The following CCDC73 variants were observed in gnomAD, a reference collection of about 807,000 sequenced individuals.
The protein encoded by CCDC73 is coiled-coil domain-containing protein 73.
CCDC73 carries 95 observed loss-of-function variants against 116.5 expected under a neutral mutation model. The observed-to-expected ratio is 0.82, with a 90% CI of 0.69 to 0.97. CCDC73 has a LOEUF of 0.97. CCDC73 is among the 50% of genes least tolerant of loss of function. The pLI is 0.00. For missense variants in CCDC73, 1,066 were observed against 1,206.8 expected (o/e 0.88, Z 1.73); for synonymous variants, 398 against 401.3 (o/e 0.99, Z 0.10).
intron 2 of CCDC73, among the ~76,000 whole-genome samples, chr11:32,726,422 G>A (rs1727765895): frequency 6.6e-6 from 1 of 152,108 alleles, no homozygotes; most frequent in Admixed American, 6.5e-5. Flanking sequence ...GAACTCAATA[G>A]ATTGAGTTTA....
chr11:32,798,577 A>C (rs941102512), upstream of CCDC73, among the ~76,000 whole-genome samples: 1 of 152,242 alleles, frequency 6.6e-6, no homozygotes, highest in African/African-American at 2.4e-5. Flanking sequence ...AAGTGCTGGG[A>C]TTACAGGCGT....
rs116598380 is a variant in CCDC73, at chr11:32,716,622, C to T, written c.207+1454G>A. ...CTGCACCCAGGCTGGAGTGCAATGG[C>T]GCAAACATAGCTCACTACAGCCTCA... On this transcript the variant is annotated intron_variant, in intron 3 of 17. Transcript: ENST00000335185. 6.1e-3 allele frequency among the ~76,000 whole-genome samples: 924 copies of T among 152,254 alleles called. 10 individuals carry two copies. The highest frequency in any genetic ancestry group is 0.021 in the African/African-American group (886 of 41,558).
intron 2 of CCDC73, among the ~76,000 whole-genome samples, chr11:32,736,163 A>G (rs1590621465): frequency 6.6e-6 from 1 of 152,340 alleles, no homozygotes; most frequent in Admixed American, 6.5e-5. Flanking sequence ...GACAAATGGG[A>G]TCTAATTAAA....
intron 14 of CCDC73, among the ~76,000 whole-genome samples, chr11:32,629,360 A>T (rs1855606378): frequency 6.6e-6 from 1 of 152,156 alleles, no homozygotes. Flanking sequence ...TCATAATCAA[A>T]CTGCTTGAAA....
intron 9 of CCDC73, among the ~76,000 whole-genome samples, chr11:32,660,690 G>A (rs1412886772): frequency 1.3e-5 from 2 of 151,796 alleles, no homozygotes; most frequent in Non-Finnish European, 2.9e-5. Flanking sequence ...CAGGCATAGT[G>A]GCATGCCTCT....
intron 1 of CCDC73, among the ~76,000 whole-genome samples, chr11:32,784,320 A>G (rs1462868362): frequency 7.5e-6 from 1 of 132,952 alleles, no homozygotes; most frequent in East Asian, 2.6e-4. Flanking sequence ...CAAGAGTGAA[A>G]GTCCGTCTCA....
At chr11:32,625,779 G>A (rs998365472) in intron 14 of CCDC73, among the ~76,000 whole-genome samples, 70 of 152,068 alleles carry the variant, frequency 4.6e-4, no homozygotes, top group African/African-American at 1.5e-3. Context: ...AAATTCAACA[G>A]CCCTTCATGC....
chr11:32,735,886 C>A (rs1850125286), intron 2 of CCDC73, among the ~76,000 whole-genome samples: 1 of 152,030 alleles, frequency 6.6e-6, no homozygotes, highest in Non-Finnish European at 1.5e-5. Context: ...CTTTGACAAA[C>A]CTGACAAAAA....
rs1383040148 is a variant in CCDC73, at chr11:32,654,896, T to C, written c.722A>G (p.Asn241Ser). The change falls in exon 10 of 18, where the codon AAT becomes AGT. Residue 241 changes from asparagine (N) to serine (S), a missense_variant. Coordinates refer to ENST00000335185, the MANE Select transcript of CCDC73 (RefSeq NM_001008391.4). Reference protein sequence around the residue: ...CQYKMGEENINLTIKEQKFQE... With the variant: ...CQYKMGEENISLTIKEQKFQE... ...AAATTTTTGTTCTTTAATTGTTAGA[T>C]TGATGTTTTCTTCTCCCATCTTATA... 3.1e-6 allele frequency: 5 copies of C among 1,602,748 alleles called. No homozygotes were observed. The highest frequency in any genetic ancestry group is 2.2e-5 in the East Asian group (1 of 44,602).
At chr11:32,819,798 T>C in the CCDC73 span, among the ~76,000 whole-genome samples, 1 of 152,218 alleles carries the variant, frequency 6.6e-6, no homozygotes, top group Non-Finnish European at 1.5e-5. Context: ...AAAATGTTTA[T>C]GTCCATTATT....
At chr11:32,801,499 G>A in the CCDC73 span, among the ~76,000 whole-genome samples, 6 of 152,062 alleles carry the variant, frequency 3.9e-5, no homozygotes, top group African/African-American at 1.2e-4. Context: ...AAATTAGCCC[G>A]GCGTGGTGGC....
intron 14 of CCDC73, among the ~76,000 whole-genome samples, chr11:32,635,110 A>T (rs1855666038): frequency 6.6e-6 from 1 of 152,236 alleles, no homozygotes; most frequent in Non-Finnish European, 1.5e-5. Flanking sequence ...TTTCTGAGAG[A>T]CATTTTAAAA....
intron 12 of CCDC73, among the ~76,000 whole-genome samples, chr11:32,647,082 G>A (rs1051752821): frequency 2.6e-5 from 4 of 152,098 alleles, no homozygotes; most frequent in East Asian, 1.9e-4. Flanking sequence ...TTTTCATATT[G>A]GAGGCTGTAT....
chr11:32,646,693 G>A (rs1855782031), intron 12 of CCDC73, among the ~76,000 whole-genome samples: 1 of 152,024 alleles, frequency 6.6e-6, no homozygotes, highest in Non-Finnish European at 1.5e-5. Flanking sequence ...ATATGCATTG[G>A]TATTGGGCAA....
intron 1 of CCDC73, among the ~76,000 whole-genome samples, chr11:32,790,676 C>A (rs1363389720): frequency 2.0e-5 from 2 of 102,096 alleles, no homozygotes; most frequent in Non-Finnish European, 4.4e-5. Flanking sequence ...TTTTAAGAAA[C>A]AGAGGGAGGA....
intron 1 of CCDC73, among the ~76,000 whole-genome samples, chr11:32,791,328 T>G (rs1224492230): frequency 6.6e-6 from 1 of 152,214 alleles, no homozygotes. Flanking sequence ...TCCCAAAGTA[T>G]GTTCTAAGGG....
intron 2 of CCDC73, among the ~76,000 whole-genome samples, chr11:32,721,050 G>A (rs912987408): frequency 1.3e-5 from 2 of 151,958 alleles, no homozygotes; most frequent in African/African-American, 2.4e-5. Flanking sequence ...ACACAGTCTC[G>A]CTCTGTCACC....
At chr11:32,675,482 C>T (rs973119483) in intron 9 of CCDC73, 83 bp downstream of exon 9, 18 of 826,178 alleles carry the variant, frequency 2.2e-5, no homozygotes, top group Non-Finnish European at 3.1e-5. Flanking sequence ...AAAAATTCTA[C>T]CCAACTGTCC....
chr11:32,655,375 T>C (rs180792390), intron 9 of CCDC73, among the ~76,000 whole-genome samples: 2 of 152,326 alleles, frequency 1.3e-5, no homozygotes, highest in Admixed American at 1.3e-4. Context: ...TAATGAGTGC[T>C]ATATTAGAAA....
Sources: allele counts gnomAD v4.1 joint callset (sites outside exome capture counted in the v4.1 genomes callset), GRCh38; gene constraint gnomAD v4.1.1; transcripts MANE v1.5; gene names NCBI Gene and HGNC (gene_info 2026-07-23, HGNC 2026-07-21).